The following APBA1 variants were observed in gnomAD, a reference collection of about 807,000 sequenced individuals.
The protein encoded by APBA1 is amyloid-beta A4 precursor protein-binding family A member 1.
In APBA1, 55 loss-of-function variants were observed where a neutral mutation model predicts 86.6. The observed-to-expected ratio is 0.64, with a 90% confidence interval of 0.51 to 0.80. The LOEUF (loss-of-function observed/expected upper bound fraction) is 0.80, where lower values mean the gene tolerates loss of function less well. Ranked by LOEUF, APBA1 falls within the 30% of genes least tolerant of loss-of-function variation. The pLI, the probability that APBA1 is intolerant of heterozygous loss-of-function variation, is 0.00. For missense variants in APBA1, 1,090 were observed against 1,183.0 expected, an observed-to-expected ratio of 0.92 and a Z score of 1.15; for synonymous variants, 511 against 493.9, an observed-to-expected ratio of 1.03 and a Z score of -0.46.
intron 1 of APBA1, among the ~76,000 whole-genome samples, chr9:69,599,780 T>C (rs111796405): frequency 1.3e-5 from 2 of 152,290 alleles, no homozygotes; most frequent in Non-Finnish European, 2.9e-5. Flanking sequence ...AGGATTCCGA[T>C]GCAGACTAAA....
intron 1 of APBA1, among the ~76,000 whole-genome samples, chr9:69,668,540 A>C (rs776069844): frequency 2.0e-5 from 3 of 152,098 alleles, no homozygotes; most frequent in Non-Finnish European, 4.4e-5. Context: ...ATCCAACATA[A>C]TACTACAAAA....
chr9:69,607,601 C>T lies in APBA1; in HGVS notation c.-70+64552G>A, dbSNP rs191554309. 1.6e-4 allele frequency among the ~76,000 whole-genome samples: 25 copies of T among 152,278 alleles called. No individual in the cohort carries two copies. The East Asian group carries it at 2.9e-3, about 18-fold the overall frequency. On this transcript the variant is annotated intron_variant, in intron 1 of 12. Transcript: ENST00000265381. ...TTTACCCTATGCACTTTGAATAACA[C>T]GCTGTAGTACTCATTCATAAATAAA... is the stretch of plus-strand genomic sequence containing the variant.
chr9:69,446,316 T>G (rs749227975), intron 10 of APBA1, among the ~76,000 whole-genome samples: 16 of 152,168 alleles, frequency 1.1e-4, no homozygotes, highest in Non-Finnish European at 1.9e-4. Flanking sequence ...AGCGGCGCAC[T>G]GTGGCAGGGA....
intron 1 of APBA1, 101 bp downstream of exon 1, chr9:69,672,052 T>G (rs1039619353): frequency 6.5e-6 from 1 of 152,928 alleles, no homozygotes; most frequent in African/African-American, 2.4e-5. Flanking sequence ...AGGCAGCCCC[T>G]CTCGCGTCCG....
intron 1 of APBA1, among the ~76,000 whole-genome samples, chr9:69,574,214 TGG>T (rs985517617): frequency 8.5e-5 from 13 of 152,310 alleles, no homozygotes; most frequent in African/African-American, 3.1e-4. Flanking sequence ...AGGAATCACC[TGG>T]GTCCATACCG....
chr9:69,517,429 G>T, intron 1 of APBA1, 150 bp from the exon 2 acceptor site: 1 of 702,606 alleles, frequency 1.4e-6, no homozygotes. Flanking sequence ...CAATCTGACA[G>T]CACATACATA....
At chr9:69,472,497 A>T (rs1277020914) in intron 3 of APBA1, 1 of 152,230 alleles carries the variant, frequency 6.6e-6, no homozygotes, top group Non-Finnish European at 1.5e-5. Context: ...CCAGTAGTAG[A>T]ATTTGTAGCT....
In APBA1 at chr9:69,441,006, T is replaced by C; in HGVS notation, c.2291A>G (p.Gln764Arg). The C allele has an allele frequency of 6.2e-7, 1 of 1,613,870 alleles. No homozygotes were observed. The highest frequency in any genetic ancestry group is 1.7e-5 in the Admixed American group (1 of 59,976). ...AGGTGTTCTACTTACAATTCCATTCTGGACGCTGAAACCGAGCTGGTAGCG... is the reference window on the plus strand; with the variant it reads ...AGGTGTTCTACTTACAATTCCATTCCGGACGCTGAAACCGAGCTGGTAGCG... The part of the protein sequence containing the change: ...DLRYQLGFSV[Q>R]NGIICSLMRG... Residue 764 changes from glutamine (Q) to arginine (R), a missense_variant, in exon 11 of 13, where the codon CAG becomes CGG. By Grantham distance (43) the Gln-to-Arg change is conservative. Transcript: ENST00000265381.
intron 2 of APBA1, among the ~76,000 whole-genome samples, chr9:69,485,936 G>C (rs1250052152): frequency 6.6e-6 from 1 of 151,924 alleles, no homozygotes; most frequent in Non-Finnish European, 1.5e-5. Context: ...CCAAGGCAAA[G>C]CTGATCATTC....
intron 1 of APBA1, among the ~76,000 whole-genome samples, chr9:69,670,706 GCATTT>G (rs1405310068): frequency 2.0e-5 from 3 of 152,128 alleles, no homozygotes; most frequent in African/African-American, 7.2e-5. Flanking sequence ...GACTCTGGAT[GCATTT>G]CTGTGTCCTT....
chr9:69,650,477 C>T (rs752971362), intron 1 of APBA1, among the ~76,000 whole-genome samples: 1 of 152,164 alleles, frequency 6.6e-6, no homozygotes, highest in Non-Finnish European at 1.5e-5. Flanking sequence ...TTGTTATACA[C>T]GAAACTATTT....
At chr9:69,512,369 AG>A (rs1462211356) in intron 2 of APBA1, among the ~76,000 whole-genome samples, 2 of 152,232 alleles carry the variant, frequency 1.3e-5, no homozygotes, top group East Asian at 1.9e-4. Flanking sequence ...CCAAGAAAAA[AG>A]CACTTAAGTT....
chr9:69,431,451 G>C, intron 12 of APBA1, 53 bp from the exon 13 acceptor site: 2 of 1,508,950 alleles, frequency 1.3e-6, no homozygotes, highest in South Asian at 1.2e-5. Flanking sequence ...GGCTGGCTGC[G>C]TGGGCACTGC....
intron 1 of APBA1, among the ~76,000 whole-genome samples, chr9:69,651,995 C>T (rs1229504754): frequency 6.6e-6 from 1 of 152,098 alleles, no homozygotes; most frequent in African/African-American, 2.4e-5. Context: ...GGCCCTAATC[C>T]AACATGACTG....
intron 1 of APBA1, among the ~76,000 whole-genome samples, chr9:69,532,155 G>A (rs1171779643): frequency 6.6e-6 from 1 of 150,446 alleles, no homozygotes; most frequent in Admixed American, 6.7e-5. Context: ...TGATAGCTGG[G>A]GAGGTTGTGT....
intron 10 of APBA1, among the ~76,000 whole-genome samples, chr9:69,443,729 GACTC>G (rs1211654597): frequency 2.0e-5 from 3 of 152,140 alleles, no homozygotes; most frequent in Non-Finnish European, 2.9e-5. Flanking sequence ...GATTTTAAAT[GACTC>G]ACTCACATTC....
At chr9:69,467,380 A>G (rs962742045) in intron 5 of APBA1, among the ~76,000 whole-genome samples, 5 of 152,238 alleles carry the variant, frequency 3.3e-5, no homozygotes, top group African/African-American at 1.2e-4. Flanking sequence ...CCTTGAAGCA[A>G]GCAAGTTCAA....
At chr9:69,548,201 C>T (rs1836727303) in intron 1 of APBA1, among the ~76,000 whole-genome samples, 1 of 152,178 alleles carries the variant, frequency 6.6e-6, no homozygotes, top group Non-Finnish European at 1.5e-5. Context: ...GCAATGCAAG[C>T]AGCTGGGAAT....
In APBA1 at chr9:69,617,734, T is replaced by G. The variant is rs1436998175; in HGVS notation, c.-70+54419A>C. ...GTCAACACCAAATTTTTGAGATTTA[T>G]ATCTCATTTTTTAAAAATTGTGGTA... On this transcript the variant is annotated intron_variant, in intron 1 of 12. Coordinates refer to ENST00000265381, the MANE Select transcript of APBA1 (RefSeq NM_001163.4). Among the ~76,000 whole-genome samples the G allele has an allele frequency of 5.9e-5, 9 of 152,322 alleles. No individual in the cohort carries two copies. The South Asian group carries it at 1.9e-3, about 32-fold the overall frequency.
Sources: allele counts gnomAD v4.1 joint callset (sites outside exome capture counted in the v4.1 genomes callset), GRCh38; gene constraint gnomAD v4.1.1; transcripts MANE v1.5; gene names NCBI Gene and HGNC (gene_info 2026-07-23, HGNC 2026-07-21).